The following TGFB2 variants were observed in gnomAD, a reference collection of about 807,000 sequenced individuals.
TGFB2 encodes the protein transforming growth factor beta-2 proprotein.
TGFB2 carries 13 observed loss-of-function variants against 42.7 expected under a neutral mutation model. The observed-to-expected ratio is 0.30, with a 90% CI of 0.20 to 0.48. TGFB2 has a LOEUF of 0.48. TGFB2 is among the 20% of genes least tolerant of loss of function. The pLI, the probability that TGFB2 is intolerant of heterozygous loss-of-function variation, is 0.99. For missense variants in TGFB2, 390 were observed against 517.5 expected, an observed-to-expected ratio of 0.75 and a Z score of 2.39; for synonymous variants, 193 against 193.6, an observed-to-expected ratio of 1.00 and a Z score of 0.03.
chr1:218,365,812 T>C (rs1175920208), intron 1 of TGFB2, among the ~76,000 whole-genome samples: 2 of 152,212 alleles, frequency 1.3e-5, no homozygotes, highest in Non-Finnish European at 2.9e-5. Context: ...AGTTGGCCTG[T>C]GCCAAGCAGC....
At position 218,438,835 on chromosome 1, in the gene TGFB2, G is replaced by A. The variant is rs1454979209; in HGVS notation, c.1086+1339G>A. ...TTCTTAAAGAAATTGGGGACCGGGC[G>A]CAGTGACTCATGCCTGTATTTCCAG... On this transcript the variant is annotated intron_variant, in intron 6 of 6. Coordinates refer to ENST00000366930, the MANE Select transcript of TGFB2 (RefSeq NM_003238.6). 9.2e-5 allele frequency among the ~76,000 whole-genome samples: 14 copies of A among 152,138 alleles called. No homozygotes were observed. In the East Asian group the frequency reaches 9.6e-4, roughly 10 times the overall value.
At chr1:218,436,827 G>A (rs966707353) in intron 5 of TGFB2, among the ~76,000 whole-genome samples, 9 of 152,184 alleles carry the variant, frequency 5.9e-5, no homozygotes, top group Non-Finnish European at 1.2e-4. Context: ...GTTGCCCTCA[G>A]CAAGACTCCA....
At chr1:218,423,654 A>T (rs1457835256) in intron 2 of TGFB2, among the ~76,000 whole-genome samples, 1 of 152,154 alleles carries the variant, frequency 6.6e-6, no homozygotes, top group Non-Finnish European at 1.5e-5. Context: ...TAGGGATGAA[A>T]GGCGCGTGTG....
intron 1 of TGFB2, among the ~76,000 whole-genome samples, chr1:218,373,358 A>G (rs1156622494): frequency 1.3e-5 from 2 of 152,086 alleles, no homozygotes; most frequent in Admixed American, 6.6e-5. Flanking sequence ...TGGTTGGGGC[A>G]GTGGATCCTG....
At position 218,427,482 on chromosome 1, in the gene TGFB2, C is replaced by T. The variant is rs890828854; in HGVS notation, c.511-6600C>T. Among the ~76,000 whole-genome samples the T allele has an allele frequency of 2.6e-5, 4 of 152,272 alleles. No individual in the cohort carries two copies. In the South Asian group the frequency reaches 6.2e-4, roughly 24 times the overall value. On this transcript the variant is annotated intron_variant, in intron 2 of 6. Coordinates refer to ENST00000366930, the MANE Select transcript of TGFB2 (RefSeq NM_003238.6). ...TATATCTCCTAATGCTATCCCTCCCCTCTCCCCCCACCTCAGGACAAGCCC... is the reference window on the plus strand; with the variant it reads ...TATATCTCCTAATGCTATCCCTCCCTTCTCCCCCCACCTCAGGACAAGCCC...
intron 4 of TGFB2, among the ~76,000 whole-genome samples, 183 bp from the exon 5 acceptor site, chr1:218,435,787 A>C (rs2102628252): frequency 6.6e-6 from 1 of 152,366 alleles, no homozygotes; most frequent in African/African-American, 2.4e-5. Context: ...GTTAATTGTC[A>C]CGTGGGTTAG....
intron 2 of TGFB2, among the ~76,000 whole-genome samples, chr1:218,417,767 C>T (rs1351736793): frequency 1.3e-5 from 2 of 152,356 alleles, no homozygotes; most frequent in African/African-American, 4.8e-5. Flanking sequence ...CCCTGCATCC[C>T]AGCCACTCCA....
intron 1 of TGFB2, among the ~76,000 whole-genome samples, chr1:218,353,748 G>A (rs1656941307): frequency 1.3e-5 from 2 of 152,030 alleles, no homozygotes. Flanking sequence ...AATTTAGTTG[G>A]GCCTGGTGGT....
At chr1:218,418,820 T>C (rs1659364134) in intron 2 of TGFB2, among the ~76,000 whole-genome samples, 1 of 152,106 alleles carries the variant, frequency 6.6e-6, no homozygotes. Context: ...CTACACAAGC[T>C]CTCTCTCTTT....
intron 1 of TGFB2, among the ~76,000 whole-genome samples, chr1:218,362,130 A>G (rs1657231163): frequency 6.6e-6 from 1 of 152,268 alleles, no homozygotes; most frequent in Non-Finnish European, 1.5e-5. Flanking sequence ...TATCCATTTA[A>G]AAATCAAGTG....
At chr1:218,369,969 G>A (rs4625350) in intron 1 of TGFB2, among the ~76,000 whole-genome samples, 20 of 152,276 alleles carry the variant, frequency 1.3e-4, no homozygotes, top group South Asian at 8.3e-4. Flanking sequence ...GACTTTACAC[G>A]GGGATGTTGG....
intron 1 of TGFB2, 87 bp from the exon 2 acceptor site, chr1:218,405,082 G>T: frequency 7.1e-7 from 1 of 1,399,718 alleles, no homozygotes; most frequent in South Asian, 1.4e-5. Flanking sequence ...TTTCCCTTAT[G>T]GTTTCTTGGG....
chr1:218,402,687 G>T (rs1325924851), intron 1 of TGFB2, among the ~76,000 whole-genome samples: 1 of 152,234 alleles, frequency 6.6e-6, no homozygotes, highest in Non-Finnish European at 1.5e-5. Flanking sequence ...GAGGCCTGCA[G>T]GGATTCCACT....
rs960874816 is a variant in TGFB2, at chr1:218,434,183, T to C, written c.612T>C (p.Thr204=). 1.5e-5 allele frequency: 25 copies of C among 1,614,076 alleles called. No homozygotes were observed. The highest frequency in any genetic ancestry group is 1.9e-5 in the Non-Finnish European group (22 of 1,180,024). Residue 204 remains threonine (T), a synonymous_variant, in exon 3 of 7, where the codon ACT becomes ACC. Transcript: ENST00000366930. Reference sequence around the variant, plus strand: ...GCGAATGGCTCTCCTTCGATGTAACTGATGCTGTTCATGAATGGCTTCACC... The same window carrying C: ...GCGAATGGCTCTCCTTCGATGTAACCGATGCTGTTCATGAATGGCTTCACC... ...AEGEWLSFDV[T]DAVHEWLHHK... is the part of the protein sequence containing the mutation.
intron 2 of TGFB2, among the ~76,000 whole-genome samples, chr1:218,425,475 A>G (rs1659592760): frequency 6.6e-6 from 1 of 152,078 alleles, no homozygotes; most frequent in Non-Finnish European, 1.5e-5. Flanking sequence ...CCAAAGTGCT[A>G]GGATTACAGA....
chr1:218,359,505 C>T (rs1657145763), intron 1 of TGFB2, among the ~76,000 whole-genome samples: 1 of 152,186 alleles, frequency 6.6e-6, no homozygotes, highest in South Asian at 2.1e-4. Context: ...AAGAATTCCA[C>T]TGTCAGAAAA....
intron 2 of TGFB2, 104 bp downstream of exon 2, chr1:218,405,436 C>T (rs1422101670): frequency 2.0e-5 from 32 of 1,580,450 alleles, no homozygotes; most frequent in Non-Finnish European, 2.5e-5. Flanking sequence ...ATGATCACAG[C>T]TCACTGCAAC....
At chr1:218,388,374 G>A (rs1433835561) in intron 1 of TGFB2, among the ~76,000 whole-genome samples, 2 of 152,160 alleles carry the variant, frequency 1.3e-5, no homozygotes, top group Non-Finnish European at 2.9e-5. Context: ...AAACTACTGG[G>A]CAATTATGGA....
Position 218,369,136 on chromosome 1 carries a change from T to C in TGFB2, c.346+22089T>C, listed in dbSNP as rs533111195. ...TGGGCATGGTGGCATGCATCTGTAG[T>C]CCCAGCTACTCAGGAGGCTGAGACA... On this transcript the variant is annotated intron_variant, in intron 1 of 6. Transcript: ENST00000366930. 7.3e-5 allele frequency among the ~76,000 whole-genome samples: 11 copies of C among 151,712 alleles called. No homozygotes were observed. The East Asian group carries it at 2.1e-3, about 29-fold the overall frequency.
Sources: gnomAD v4.1 joint callset for allele counts (sites outside exome capture counted in the v4.1 genomes callset) on GRCh38, gnomAD v4.1.1 for gene constraint, MANE v1.5 for transcripts, NCBI Gene and HGNC (gene_info 2026-07-23, HGNC 2026-07-21) for gene names.